The following ARHGEF3 variants were observed in gnomAD, a reference collection of about 807,000 sequenced individuals.
The protein encoded by ARHGEF3 is 59.8 kDA protein.
ARHGEF3 carries 28 observed loss-of-function variants against 63.2 expected under a neutral mutation model. The ratio of observed to expected loss-of-function variants is 0.44; its 90% CI spans 0.33 to 0.61. The LOEUF (loss-of-function observed/expected upper bound fraction) is 0.61. ARHGEF3 is among the 20% of genes least tolerant of loss of function. ARHGEF3 has a pLI of 0.03. For missense variants in ARHGEF3, 533 were observed against 659.3 expected, an observed-to-expected ratio of 0.81 and a Z score of 2.10; for synonymous variants, 266 against 254.2, an observed-to-expected ratio of 1.05 and a Z score of -0.44.
At chr3:57,062,621 G>T (rs1021014957) in intron 1 of ARHGEF3, among the ~76,000 whole-genome samples, 2 of 152,176 alleles carry the variant, frequency 1.3e-5, no homozygotes. Flanking sequence ...TAGCCACTCA[G>T]CAAAACACTA....
chr3:57,040,664 C>T (rs1200782244), intron 1 of ARHGEF3, among the ~76,000 whole-genome samples: 1 of 151,818 alleles, frequency 6.6e-6, no homozygotes, highest in African/African-American at 2.4e-5. Context: ...TCAAGTGATA[C>T]AGTTATGACC....
intron 2 of ARHGEF3, among the ~76,000 whole-genome samples, chr3:57,006,424 G>C (rs920853357): frequency 6.6e-5 from 10 of 152,114 alleles, no homozygotes; most frequent in Non-Finnish European, 1.5e-4. Flanking sequence ...TCAGCCAACA[G>C]ACAAGGAACT....
intron 4 of ARHGEF3, among the ~76,000 whole-genome samples, chr3:56,847,143 C>A (rs528650349): frequency 3.7e-4 from 57 of 152,218 alleles, no homozygotes; most frequent in African/African-American, 1.4e-3. Context: ...CTGACTCTAC[C>A]TCCCAAGCTC....
intron 2 of ARHGEF3, among the ~76,000 whole-genome samples, chr3:57,024,514 A>G (rs1379677065): frequency 2.0e-5 from 3 of 151,790 alleles, no homozygotes; most frequent in African/African-American, 7.3e-5. Flanking sequence ...TTGAGACGGA[A>G]TCTCGCTCTG....
chr3:56,827,774 C>CA (rs2038782108), intron 4 of ARHGEF3, among the ~76,000 whole-genome samples: 3 of 56,808 alleles, frequency 5.3e-5, no homozygotes, highest in Non-Finnish European at 1.1e-4. Context: ...AAAAAAAAAA[C>CA]AGAAAAGAAA....
chr3:57,019,628 C>G (rs1703163528), intron 2 of ARHGEF3, among the ~76,000 whole-genome samples: 1 of 152,158 alleles, frequency 6.6e-6, no homozygotes, highest in South Asian at 2.1e-4. Flanking sequence ...GATGCCACAT[C>G]AGATCAGGCA....
chr3:56,949,957 A>G (rs1194056658), intron 3 of ARHGEF3, among the ~76,000 whole-genome samples: 2 of 151,990 alleles, frequency 1.3e-5, no homozygotes, highest in African/African-American at 4.8e-5. Context: ...AACAGAACAG[A>G]GCCCTCAGAA....
At chr3:57,051,976 T>C (rs946303848) in intron 1 of ARHGEF3, among the ~76,000 whole-genome samples, 5 of 149,922 alleles carry the variant, frequency 3.3e-5, no homozygotes, top group Non-Finnish European at 7.4e-5. Context: ...AAAAAAAAAG[T>C]ACCCTTCATC....
chr3:56,910,278 T>C (rs538395814), intron 3 of ARHGEF3, among the ~76,000 whole-genome samples: 13 of 152,288 alleles, frequency 8.5e-5, no homozygotes, highest in African/African-American at 2.6e-4. Context: ...TCAAAGAAGA[T>C]AGTGGGGACT....
intron 2 of ARHGEF3, among the ~76,000 whole-genome samples, chr3:57,028,755 G>C (rs1461031470): frequency 6.6e-6 from 1 of 151,224 alleles, no homozygotes; most frequent in South Asian, 2.1e-4. Flanking sequence ...GTAAAACGGG[G>C]TGAACAATAT....
chr3:56,836,680 C>T (rs181403458), intron 4 of ARHGEF3, among the ~76,000 whole-genome samples: 8 of 152,276 alleles, frequency 5.3e-5, no homozygotes, highest in South Asian at 2.1e-4. Context: ...AGTCCCAGCA[C>T]TTTGGGAGGC....
chr3:56,821,694 G>A (rs1341775453), intron 4 of ARHGEF3, among the ~76,000 whole-genome samples: 1 of 151,996 alleles, frequency 6.6e-6, no homozygotes, highest in African/African-American at 2.4e-5. Flanking sequence ...TCCAATGGCT[G>A]GGCTCACACC....
intron 2 of ARHGEF3, among the ~76,000 whole-genome samples, chr3:57,024,708 C>T (rs922356609): frequency 5.9e-5 from 9 of 152,144 alleles, no homozygotes; most frequent in African/African-American, 1.7e-4. Context: ...AGGATGGTCT[C>T]GATCTCCTGA....
At chr3:57,030,886 C>T (rs188972994) in intron 2 of ARHGEF3, among the ~76,000 whole-genome samples, 1 of 152,326 alleles carries the variant, frequency 6.6e-6, no homozygotes, top group East Asian at 1.9e-4. Flanking sequence ...TAGTCCTCCT[C>T]ACAATAAAGT....
At chr3:56,884,732 C>T (rs924503) in intron 3 of ARHGEF3, among the ~76,000 whole-genome samples, 137,275 of 152,316 alleles carry the variant, frequency 0.9, 63,592 homozygotes, top group East Asian at 1. Flanking sequence ...GGATGCTTCA[C>T]GTTTGTACAG....
At chr3:56,752,838 T>G (rs1441275807) in intron 4 of ARHGEF3, among the ~76,000 whole-genome samples, 1 of 152,168 alleles carries the variant, frequency 6.6e-6, no homozygotes, top group Non-Finnish European at 1.5e-5. Flanking sequence ...GAGGTGGAAT[T>G]TCATCTTAGC....
chr3:56,962,527 C>A (rs1170736876), intron 2 of ARHGEF3, among the ~76,000 whole-genome samples: 2 of 152,166 alleles, frequency 1.3e-5, no homozygotes, highest in Non-Finnish European at 2.9e-5. Context: ...GGCAGCATTT[C>A]CCAGTGTCTC....
chr3:56,960,993 G>A (rs1160207370), intron 2 of ARHGEF3: 1 of 152,114 alleles, frequency 6.6e-6, no homozygotes, highest in African/African-American at 2.4e-5. Flanking sequence ...CTGAGTAAAT[G>A]TGTCTTTATC....
chr3:57,061,862 G>C (rs1051115668), intron 1 of ARHGEF3, among the ~76,000 whole-genome samples: 1 of 152,170 alleles, frequency 6.6e-6, no homozygotes, highest in African/African-American at 2.4e-5. Flanking sequence ...CCTGAGGTGA[G>C]AGAGGTCCTC....
Sources: allele counts gnomAD v4.1 joint callset (sites outside exome capture counted in the v4.1 genomes callset), GRCh38; gene constraint gnomAD v4.1.1; transcripts MANE v1.5; gene names NCBI Gene and HGNC (gene_info 2026-07-23, HGNC 2026-07-21).